COL21A1: variants seen among roughly 807,000 people sequenced by gnomAD.
COL21A1 encodes collagen type XXI alpha 1 chain, also known as collagen alpha-1(XXI) chain.
Under a neutral mutation model 137.9 loss-of-function variants are expected in COL21A1, and 149 were observed. The observed-to-expected ratio is 1.08, with a 90% confidence interval of 0.95 to 1.24. The LOEUF (loss-of-function observed/expected upper bound fraction) is 1.24. Among genes scored for constraint, COL21A1 ranks in the 50% most tolerant of loss-of-function variants. COL21A1 has a pLI of 0.00. For missense variants in COL21A1, 1,167 were observed against 1,158.4 expected, an observed-to-expected ratio of 1.01 and a Z score of -0.11; for synonymous variants, 456 against 391.5, an observed-to-expected ratio of 1.16 and a Z score of -1.95.
intron 1 of COL21A1, among the ~76,000 whole-genome samples, chr6:56,187,552 T>G (rs1272431222): frequency 6.6e-6 from 1 of 152,188 alleles, no homozygotes; most frequent in Non-Finnish European, 1.5e-5. Flanking sequence ...GTCGATTGAT[T>G]TTCAACAAAA....
chr6:56,217,274 G>A (rs1440939596), intron 1 of COL21A1, among the ~76,000 whole-genome samples: 2 of 152,014 alleles, frequency 1.3e-5, no homozygotes, highest in Non-Finnish European at 2.9e-5. Context: ...ACTCCACTTG[G>A]TGGGTTCCCA....
chr6:56,196,492 TA>T (rs1779034079), intron 1 of COL21A1, among the ~76,000 whole-genome samples: 1 of 152,026 alleles, frequency 6.6e-6, no homozygotes, highest in African/African-American at 2.4e-5. Context: ...AAGAAAGTAT[TA>T]AAAGAAGTAC....
At chr6:56,229,756 A>T (rs1487956449) in intron 1 of COL21A1, among the ~76,000 whole-genome samples, 1 of 151,820 alleles carries the variant, frequency 6.6e-6, no homozygotes, top group Admixed American at 6.6e-5. Context: ...GTTAATTTCC[A>T]CTCAGCTCGT....
At chr6:56,211,440 A>G (rs182818455) in intron 1 of COL21A1, among the ~76,000 whole-genome samples, 31 of 152,150 alleles carry the variant, frequency 2.0e-4, no homozygotes, top group Non-Finnish European at 3.4e-4. Context: ...ACTAAAAAAT[A>G]TGTCAGAAAT....
intron 1 of COL21A1, among the ~76,000 whole-genome samples, chr6:56,303,629 G>A (rs1764358024): frequency 6.6e-6 from 1 of 152,056 alleles, no homozygotes; most frequent in Non-Finnish European, 1.5e-5. Context: ...AGGAGATTTG[G>A]GGCTGAGACC....
At chr6:56,219,216 C>CAAAAAAAAAAAA (rs386407160) in intron 1 of COL21A1, among the ~76,000 whole-genome samples, 2 of 76,498 alleles carry the variant, frequency 2.6e-5, no homozygotes, top group African/African-American at 1.1e-4. Context: ...AAACTTGCAC[C>CAAAAAAAAAAAA]AAAAAAAAAA....
chr6:56,214,531 C>T (rs1326247824), intron 1 of COL21A1, among the ~76,000 whole-genome samples: 1 of 152,002 alleles, frequency 6.6e-6, no homozygotes, highest in African/African-American at 2.4e-5. Context: ...GGAGAAAGAA[C>T]AGGGACAAGG....
intron 1 of COL21A1, among the ~76,000 whole-genome samples, chr6:56,245,844 A>G (rs7768520): frequency 0.38 from 57,948 of 152,014 alleles, 13,106 homozygotes; most frequent in East Asian, 0.76. Flanking sequence ...TATATACCTC[A>G]GTCACAAATT....
chr6:56,129,788 G>A (rs1297965998), intron 12 of COL21A1, among the ~76,000 whole-genome samples: 1 of 150,622 alleles, frequency 6.6e-6, no homozygotes, highest in Non-Finnish European at 1.5e-5. Flanking sequence ...ACCCTAGAAC[G>A]AATTATTCCC....
At position 56,099,208 on chromosome 6, in the gene COL21A1, C is replaced by A. The variant is rs796678610; in HGVS notation, c.1812+2264G>T. Reference sequence around the variant, plus strand: ...ATAACTAACTCACAAACATTTAGAACACAGTCACAAACTAAATTTTTTTTT... The same window carrying A: ...ATAACTAACTCACAAACATTTAGAAAACAGTCACAAACTAAATTTTTTTTT... On this transcript the variant is annotated intron_variant, in intron 17 of 29. Transcript: ENST00000244728. Among the ~76,000 whole-genome samples, 265 of 146,524 alleles carry A rather than the reference C, an allele frequency of 1.8e-3. 3 individuals carry two copies. Among genetic ancestry groups the A allele is most frequent in the African/African-American group, 6.0e-3 (238 of 39,832 alleles).
intron 25 of COL21A1, chr6:56,061,241 G>A (rs1218214236): frequency 1.8e-6 from 1 of 552,406 alleles, no homozygotes; most frequent in African/African-American, 1.9e-5. Context: ...CATCCAACCA[G>A]CCAGACCTAC....
At chr6:56,132,558 G>A (rs12209003) in intron 12 of COL21A1, among the ~76,000 whole-genome samples, 22,842 of 151,992 alleles carry the variant, frequency 0.15, 1,750 homozygotes, top group Middle Eastern at 0.22. Context: ...CCAAATGAAA[G>A]TGGAAATTTA....
chr6:56,113,397 AG>A (rs565396499), intron 16 of COL21A1, among the ~76,000 whole-genome samples: 16 of 152,314 alleles, frequency 1.1e-4, no homozygotes, highest in African/African-American at 3.8e-4. Flanking sequence ...GCCAGAGTCA[AG>A]AGGCCCCCTT....
chr6:56,229,670 G>T (rs1054558445), intron 1 of COL21A1, among the ~76,000 whole-genome samples: 3 of 151,914 alleles, frequency 2.0e-5, no homozygotes, highest in African/African-American at 7.2e-5. Context: ...GAGGAGTATG[G>T]TCATTTTCCA....
intron 1 of COL21A1, chr6:56,332,126 GAATT>G (rs1339586548): frequency 2.0e-5 from 3 of 152,016 alleles, no homozygotes; most frequent in East Asian, 3.9e-4. Flanking sequence ...TATTAATTTA[GAATT>G]AATTAATTCT....
chr6:56,120,975 C>T (rs1049325365), intron 16 of COL21A1, among the ~76,000 whole-genome samples: 3 of 152,084 alleles, frequency 2.0e-5, no homozygotes, highest in Non-Finnish European at 4.4e-5. Flanking sequence ...TATCCATCAA[C>T]AGATGAATGA....
intron 1 of COL21A1, among the ~76,000 whole-genome samples, chr6:56,353,661 A>T (rs1027705490): frequency 6.6e-6 from 1 of 152,230 alleles, no homozygotes; most frequent in Non-Finnish European, 1.5e-5. Flanking sequence ...CAGTCATCCA[A>T]TAGTTGTTTC....
intron 1 of COL21A1, among the ~76,000 whole-genome samples, chr6:56,382,191 A>G (rs1229549265): frequency 6.6e-6 from 1 of 152,100 alleles, no homozygotes. Context: ...GATTAATCCC[A>G]CGTTTGTGAG....
intron 1 of COL21A1, among the ~76,000 whole-genome samples, chr6:56,378,154 G>A (rs905800470): frequency 9.2e-5 from 14 of 152,096 alleles, no homozygotes; most frequent in Admixed American, 2.0e-4. Flanking sequence ...CAGCTGTGGC[G>A]GCTATAAGGC....
Sources: allele counts gnomAD v4.1 joint callset (sites outside exome capture counted in the v4.1 genomes callset), GRCh38; gene constraint gnomAD v4.1.1; transcripts MANE v1.5; gene names NCBI Gene and HGNC (gene_info 2026-07-23, HGNC 2026-07-21).